UBAP2: variants seen among roughly 807,000 people sequenced by gnomAD.
The protein encoded by UBAP2 is ubiquitin associated protein 2.
Under a neutral mutation model 139.6 loss-of-function variants are expected in UBAP2, and 75 were observed. That is an observed-to-expected ratio of 0.54 (90% CI 0.45 to 0.65). The LOEUF (loss-of-function observed/expected upper bound fraction) is 0.65, where lower values mean the gene tolerates loss of function less well. Among genes scored for constraint, UBAP2 ranks in the 30% least tolerant of loss-of-function variants. The probability of loss-of-function intolerance (pLI) is 0.00; values close to 1 mark genes in which losing one functional copy is unlikely to be tolerated. For synonymous variants in UBAP2, 526 were observed against 526.2 expected, an observed-to-expected ratio of 1.00 and a Z score of 0.01; for missense variants, 1,368 against 1,369.6, an observed-to-expected ratio of 1.00 and a Z score of 0.02.
intron 2 of UBAP2, among the ~76,000 whole-genome samples, chr9:34,012,528 C>CA (rs11399740): frequency 0.87 from 125,649 of 144,288 alleles, 54,622 homozygotes; most frequent in Middle Eastern, 0.92. Flanking sequence ...AAAACTGTCT[C>CA]AAAAAAAAAA....
intron 16 of UBAP2, among the ~76,000 whole-genome samples, chr9:33,937,599 CA>C (rs1185167927): frequency 0.32 from 27,517 of 85,014 alleles, 2,737 homozygotes; most frequent in East Asian, 0.57. Context: ...GACTCTGTCT[CA>C]AAAAAAAAAA....
At position 33,944,676 on chromosome 9, in the gene UBAP2, G is replaced by A. The variant is rs755824123; in HGVS notation, c.1271-37C>T. On this transcript the variant is annotated intron_variant, in intron 13 of 28. Transcript: ENST00000379238. ...AAGCAGCAATTAATGAGGCATAATG[G>A]CTTCACAATGTTCTTCAATAGAACA... The A allele has an allele frequency of 2.5e-6, 4 of 1,598,576 alleles. No individual in the cohort carries two copies. In the South Asian group the frequency reaches 4.5e-5, roughly 18 times the overall value.
At chr9:33,933,822 A>G (rs1432125333) in intron 17 of UBAP2, among the ~76,000 whole-genome samples, 194 bp from the exon 18 acceptor site, 1 of 152,244 alleles carries the variant, frequency 6.6e-6, no homozygotes, top group Non-Finnish European at 1.5e-5. Context: ...ATCAAAGGAC[A>G]CCACACCATG....
At chr9:33,955,627 G>A (rs555094126) in intron 11 of UBAP2, among the ~76,000 whole-genome samples, 3 of 151,986 alleles carry the variant, frequency 2.0e-5, no homozygotes, top group East Asian at 1.9e-4. Context: ...TTGGGAATTC[G>A]AGACCAGCCT....
chr9:33,988,672 C>A (rs929355686), intron 5 of UBAP2, among the ~76,000 whole-genome samples: 3 of 152,254 alleles, frequency 2.0e-5, no homozygotes, highest in African/African-American at 7.2e-5. Flanking sequence ...TACACAACCA[C>A]CTGCCTACAG....
intron 1 of UBAP2, among the ~76,000 whole-genome samples, chr9:34,046,419 G>A (rs1587713525): frequency 6.6e-6 from 1 of 151,882 alleles, no homozygotes; most frequent in Non-Finnish European, 1.5e-5. Context: ...GGAGGCAGGC[G>A]GATCACGGGG....
At position 33,935,802 on chromosome 9, in the gene UBAP2, A is replaced by G. The variant is rs200784786; in HGVS notation, c.1969+37T>C. 6.8e-6 allele frequency: 11 copies of G among 1,613,316 alleles called. No homozygotes were observed. In the East Asian group the frequency reaches 2.0e-4, roughly 29 times the overall value. On this transcript the variant is annotated intron_variant, in intron 17 of 28. Coordinates refer to ENST00000379238, the MANE Select transcript of UBAP2 (RefSeq NM_001370062.2). The stretch of plus-strand genomic sequence containing the variant: ...TATCCTCTTCCTCTGTTTGGTTGGC[A>G]CCAGCCATGACAAGAGTAGCTTGCT...
chr9:34,024,072 T>C (rs963170112), intron 1 of UBAP2, among the ~76,000 whole-genome samples: 2 of 147,604 alleles, frequency 1.4e-5, no homozygotes, highest in Non-Finnish European at 1.5e-5. Flanking sequence ...AAATAGCAAA[T>C]ACAAGGATGG....
intron 1 of UBAP2, among the ~76,000 whole-genome samples, chr9:34,027,977 G>T (rs1825556535): frequency 6.6e-6 from 1 of 151,078 alleles, no homozygotes; most frequent in South Asian, 2.1e-4. Flanking sequence ...AGGGTGCCAA[G>T]AAACTCAACT....
intron 6 of UBAP2, among the ~76,000 whole-genome samples, chr9:33,974,235 C>T (rs1023859205): frequency 3.3e-5 from 5 of 152,052 alleles, no homozygotes; most frequent in Admixed American, 6.6e-5. Context: ...TGGCTAGGCA[C>T]GGTGGCTCAT....
chr9:33,948,229 A>C, intron 13 of UBAP2, 145 bp downstream of exon 13: 1 of 619,366 alleles, frequency 1.6e-6, no homozygotes, highest in Non-Finnish European at 2.6e-6. Context: ...ACAAAGGAAG[A>C]CTGATTTAAC....
At chr9:34,032,791 G>T (rs1825998562) in intron 1 of UBAP2, among the ~76,000 whole-genome samples, 1 of 151,982 alleles carries the variant, frequency 6.6e-6, no homozygotes, top group Non-Finnish European at 1.5e-5. Context: ...GGGCGTGGTT[G>T]CACGCACCTG....
chr9:34,046,808 C>T (rs930761193), intron 1 of UBAP2, among the ~76,000 whole-genome samples: 3 of 152,134 alleles, frequency 2.0e-5, no homozygotes, highest in Non-Finnish European at 2.9e-5. Flanking sequence ...ACCTATTAGT[C>T]TACATGTTCT....
rs940038127 is a variant in UBAP2, at chr9:33,956,117, T to A, written c.828A>T (p.Ser276=). 6.2e-7 allele frequency: 1 copy of A among 1,613,686 alleles called. No individual in the cohort carries two copies. Among genetic ancestry groups the A allele is most frequent in the Non-Finnish European group, 8.5e-7 (1 of 1,179,912 alleles). The change falls in exon 11 of 29, where the codon TCA becomes TCT. Residue 276 remains serine (S), a synonymous_variant. Transcript: ENST00000379238. ...AGATGTGATTCTCTGCTGGAGCAGA[T>A]GAGGCAGTGAAGACCTTTGTTTCAG... The part of the protein sequence containing the change: ...DLSETKVFTA[S]SAPAENHILP...
intron 2 of UBAP2, among the ~76,000 whole-genome samples, chr9:34,006,844 C>A (rs1273189041): frequency 2.0e-5 from 3 of 152,134 alleles, no homozygotes; most frequent in Non-Finnish European, 4.4e-5. Context: ...GCAATGGGTT[C>A]AGACAATCAA....
intron 4 of UBAP2, 41 bp from the exon 5 acceptor site, chr9:33,989,167 T>G: frequency 6.4e-7 from 1 of 1,554,386 alleles, no homozygotes; most frequent in Non-Finnish European, 8.6e-7. Context: ...TCATTCAAAG[T>G]GTGTACAATT....
At chr9:33,960,107 AT>A (rs1001561760) in intron 10 of UBAP2, among the ~76,000 whole-genome samples, 86 of 145,440 alleles carry the variant, frequency 5.9e-4, no homozygotes, top group Middle Eastern at 3.6e-3. Flanking sequence ...TTTTTTTATT[AT>A]TTTTTTTTTT....
At chr9:33,951,398 G>A (rs1035802940) in intron 12 of UBAP2, among the ~76,000 whole-genome samples, 3 of 134,758 alleles carry the variant, frequency 2.2e-5, no homozygotes, top group Non-Finnish European at 3.1e-5. Context: ...CCAGGCTGGA[G>A]TGCAATGGCA....
chr9:33,927,740 A>C, intron 20 of UBAP2, 57 bp downstream of exon 20: 1 of 1,528,296 alleles, frequency 6.5e-7, no homozygotes, highest in Non-Finnish European at 8.7e-7. Flanking sequence ...CTGGGACGCC[A>C]AGCAGGCACC....
Sources: allele counts gnomAD v4.1 joint callset (sites outside exome capture counted in the v4.1 genomes callset), GRCh38; gene constraint gnomAD v4.1.1; transcripts MANE v1.5; gene names NCBI Gene and HGNC (gene_info 2026-07-23, HGNC 2026-07-21).